Variants in ACAT1 observed in about 807,000 individuals in gnomAD.
The protein encoded by ACAT1 is acetyl-CoA acetyltransferase, mitochondrial.
In ACAT1, 28 loss-of-function variants were observed where a neutral mutation model predicts 47.3. The observed-to-expected ratio is 0.59, with a 90% CI of 0.44 to 0.81. The LOEUF (loss-of-function observed/expected upper bound fraction) is 0.81, where lower values mean the gene tolerates loss of function less well. Among genes scored for constraint, ACAT1 ranks in the 30% least tolerant of loss-of-function variants. The pLI, the probability that ACAT1 is intolerant of heterozygous loss-of-function variation, is 0.00. For missense variants in ACAT1, 469 were observed against 524.3 expected, an observed-to-expected ratio of 0.89 and a Z score of 1.03; for synonymous variants, 181 against 173.6, an observed-to-expected ratio of 1.04 and a Z score of -0.34.
chr11:108,146,397 G>A (rs2077710352), intron 11 of ACAT1, 38 bp downstream of exon 11: 2 of 1,606,432 alleles, frequency 1.2e-6, no homozygotes, highest in Non-Finnish European at 1.7e-6. Flanking sequence ...GTTAAGAGCT[G>A]CCTTTGTGTT....
intron 1 of ACAT1, among the ~76,000 whole-genome samples, chr11:108,125,406 TAA>T (rs2077229334): frequency 6.6e-6 from 1 of 152,232 alleles, no homozygotes; most frequent in African/African-American, 2.4e-5. Context: ...GGCACTGTGC[TAA>T]GTCATAGGGA....
chr11:108,132,706 TAGGTGGGC>T (rs1279811229), intron 2 of ACAT1, among the ~76,000 whole-genome samples: 1 of 150,610 alleles, frequency 6.6e-6, no homozygotes, highest in Non-Finnish European at 1.5e-5. Context: ...TACAAAAAAT[TAGGTGGGC>T]ATGGTGGCAG....
intron 1 of ACAT1, chr11:108,122,004 G>T: frequency 2.1e-6 from 1 of 469,134 alleles, no homozygotes; most frequent in Non-Finnish European, 3.9e-6. Flanking sequence ...CGGTGGGATC[G>T]GGGAGAGTCT....
chr11:108,137,722 G>A (rs531790790), intron 5 of ACAT1, among the ~76,000 whole-genome samples: 36 of 151,956 alleles, frequency 2.4e-4, no homozygotes, highest in African/African-American at 8.0e-4. Context: ...TGGGCGGATC[G>A]CTTGAGTCTG....
At position 108,141,601 on chromosome 11, in the gene ACAT1, T is replaced by A; in HGVS notation, c.731-4T>A. On this transcript the variant is annotated splice_polypyrimidine_tract_variant and splice_region_variant and intron_variant, in intron 7 of 11. Coordinates refer to ENST00000265838, the MANE Select transcript of ACAT1 (RefSeq NM_000019.4). ...CGATTTTACTTAAAATATTTTTATTTTAGGTCAACCAGATGTAGTGGTGAA... is the reference window on the plus strand; with the variant it reads ...CGATTTTACTTAAAATATTTTTATTATAGGTCAACCAGATGTAGTGGTGAA... The A allele has an allele frequency of 1.2e-6, 2 of 1,608,874 alleles. No individual in the cohort carries two copies. Among genetic ancestry groups the A allele is most frequent in the South Asian group, 1.1e-5 (1 of 90,974 alleles).
intron 2 of ACAT1, among the ~76,000 whole-genome samples, 178 bp from the exon 3 acceptor site, chr11:108,133,642 G>T (rs1345593282): frequency 6.6e-6 from 1 of 152,120 alleles, no homozygotes; most frequent in Non-Finnish European, 1.5e-5. Context: ...TTTCTATAAG[G>T]TCTTAAATCA....
At position 108,146,222 on chromosome 11, in the gene ACAT1, G is replaced by A. The variant is rs1453736760; in HGVS notation, c.1026G>A (p.Leu342=). Residue 342 remains leucine (L), a synonymous_variant, in exon 11 of 12, where the codon TTG becomes TTA. Transcript: ENST00000265838. ...AASMVLKDVG[L]KKEDIAMWEV... is the part of the protein sequence containing the mutation. ...TTAAGGTTCTTAAAGATGTGGGATT[G>A]AAAAAAGAAGATATTGCAATGTGGG... is the stretch of plus-strand genomic sequence containing the variant. 7 of 1,612,698 alleles carry A rather than the reference G, an allele frequency of 4.3e-6. No homozygotes were observed. The East Asian group carries it at 1.6e-4, about 36-fold the overall frequency.
At chr11:108,135,884 A>G (rs1004756515) in intron 5 of ACAT1, among the ~76,000 whole-genome samples, 13 of 152,152 alleles carry the variant, frequency 8.5e-5, no homozygotes, top group Admixed American at 2.6e-4. Context: ...TGGGTGACTA[A>G]AAATTCATAA....
intron 9 of ACAT1, 46 bp from the exon 10 acceptor site, chr11:108,143,935 TAA>T (rs5794587): frequency 4.6e-5 from 36 of 789,086 alleles, no homozygotes; most frequent in African/African-American, 1.2e-4. Context: ...TTCTATACAG[TAA>T]AAAAAAAAAG....
chr11:108,120,190 C>CA (rs879516044), upstream of ACAT1, among the ~76,000 whole-genome samples: 116 of 146,252 alleles, frequency 7.9e-4, no homozygotes, highest in East Asian at 1.2e-3. Context: ...GAGACTGTCT[C>CA]AAAAAAAAAA....
chr11:108,135,044 G>T, intron 4 of ACAT1, 98 bp from the exon 5 acceptor site: 1 of 771,492 alleles, frequency 1.3e-6, no homozygotes, highest in Non-Finnish European at 2.2e-6. Context: ...TAGTTATATT[G>T]GCAGAAGAAA....
chr11:108,144,170 C>A (rs1037250360), intron 10 of ACAT1, 123 bp downstream of exon 10: 2 of 1,053,996 alleles, frequency 1.9e-6, no homozygotes, highest in Non-Finnish European at 2.9e-6. Context: ...GGTTTCAAAT[C>A]TTCCCATGTC....
chr11:108,117,052 T>C (rs548670657), upstream of ACAT1, among the ~76,000 whole-genome samples: 7 of 152,126 alleles, frequency 4.6e-5, no homozygotes, highest in South Asian at 1.5e-3. Context: ...TATTAATAGA[T>C]TGGGGTGATG....
chr11:108,139,243 G>A (rs1018779042), intron 6 of ACAT1: 2 of 627,258 alleles, frequency 3.2e-6, no homozygotes, highest in Admixed American at 2.7e-5. Flanking sequence ...ATTTAAATAG[G>A]GTAATTTCTG....
chr11:108,123,834 C>A (rs1167842476), intron 1 of ACAT1, among the ~76,000 whole-genome samples: 1 of 151,958 alleles, frequency 6.6e-6, no homozygotes, highest in Non-Finnish European at 1.5e-5. Context: ...TTCTTCTTGA[C>A]CTTTATCCTA....
intron 1 of ACAT1, among the ~76,000 whole-genome samples, chr11:108,127,586 G>C (rs567224554): frequency 6.6e-6 from 1 of 152,056 alleles, no homozygotes; most frequent in Non-Finnish European, 1.5e-5. Context: ...GCTTTTTAAA[G>C]CCATGGGACT....
At chr11:108,145,185 G>A (rs993871258) in intron 10 of ACAT1, among the ~76,000 whole-genome samples, 1 of 152,160 alleles carries the variant, frequency 6.6e-6, no homozygotes, top group Non-Finnish European at 1.5e-5. Context: ...ACACCTTCCT[G>A]CATAGCTGAG....
At chr11:108,135,271 A>G in intron 5 of ACAT1, 29 bp downstream of exon 5, 1 of 1,496,774 alleles carries the variant, frequency 6.7e-7, no homozygotes, top group South Asian at 1.1e-5. Flanking sequence ...CCCATTTATT[A>G]ATCAGAGTAA....
chr11:108,122,981 T>TCAAAG (rs2077179142), intron 1 of ACAT1, among the ~76,000 whole-genome samples: 1 of 152,142 alleles, frequency 6.6e-6, no homozygotes, highest in Admixed American at 6.5e-5. Flanking sequence ...TCCCAGCACT[T>TCAAAG]TGGGAGGCCG....
Sources: allele counts gnomAD v4.1 joint callset (sites outside exome capture counted in the v4.1 genomes callset), GRCh38; gene constraint gnomAD v4.1.1; transcripts MANE v1.5; gene names NCBI Gene and HGNC (gene_info 2026-07-23, HGNC 2026-07-21).